Variants in SHB observed in about 807,000 individuals in gnomAD.
The protein encoded by SHB is SH2 domain containing adaptor protein B.
A neutral mutation model predicts 52.3 loss-of-function variants in SHB; 20 were observed. That is an observed-to-expected ratio of 0.38 (90% confidence interval 0.27 to 0.56). The LOEUF (loss-of-function observed/expected upper bound fraction) is 0.56, where lower values mean the gene tolerates loss of function less well. Among genes scored for constraint, SHB ranks in the 20% least tolerant of loss-of-function variants. SHB has a pLI of 0.71. For missense variants in SHB, 825 were observed against 723.3 expected (o/e 1.14, Z -1.61); for synonymous variants, 397 against 316.5 (o/e 1.25, Z -2.70).
intron 5 of SHB, among the ~76,000 whole-genome samples, chr9:37,938,556 G>C (rs17516635): frequency 6.6e-6 from 1 of 152,228 alleles, no homozygotes; most frequent in Non-Finnish European, 1.5e-5. Context: ...CCCGGGGCAC[G>C]AGAGGTTTCC....
chr9:37,984,002 GACCTGGGGCAAGTT>G (rs1564094405), intron 2 of SHB, among the ~76,000 whole-genome samples: 1 of 152,228 alleles, frequency 6.6e-6, no homozygotes. Flanking sequence ...TCCAACAGGT[GACCTGGGGCAAGTT>G]ACCTCAGTTT....
At chr9:37,991,515 A>G (rs1437241617) in intron 2 of SHB, among the ~76,000 whole-genome samples, 2 of 152,238 alleles carry the variant, frequency 1.3e-5, no homozygotes, top group African/African-American at 4.8e-5. Flanking sequence ...CAAGATGTAC[A>G]TTTTAATTAT....
At chr9:37,974,512 A>T (rs1418939732) in intron 3 of SHB, 110 bp downstream of exon 3, 1 of 898,938 alleles carries the variant, frequency 1.1e-6, no homozygotes, top group East Asian at 2.5e-5. Flanking sequence ...AAGACCACCC[A>T]ACTGGATTAT....
At chr9:37,991,932 A>G (rs538158314) in intron 2 of SHB, among the ~76,000 whole-genome samples, 2 of 152,310 alleles carry the variant, frequency 1.3e-5, no homozygotes, top group South Asian at 4.1e-4. Flanking sequence ...GTTCTTTCCC[A>G]CAGATTAACA....
intron 1 of SHB, among the ~76,000 whole-genome samples, chr9:38,061,359 C>T (rs1342947005): frequency 6.6e-6 from 1 of 151,692 alleles, no homozygotes; most frequent in Admixed American, 6.6e-5. Context: ...CCTACCACCA[C>T]CATCAACCAA....
At chr9:37,941,437 G>A (rs915487705) in intron 5 of SHB, among the ~76,000 whole-genome samples, 6 of 152,210 alleles carry the variant, frequency 3.9e-5, no homozygotes, top group Admixed American at 2.0e-4. Flanking sequence ...AGTATGTGGC[G>A]GAGCTGGGTT....
intron 5 of SHB, among the ~76,000 whole-genome samples, chr9:37,947,545 T>C (rs1362089465): frequency 6.6e-6 from 1 of 152,232 alleles, no homozygotes; most frequent in Non-Finnish European, 1.5e-5. Context: ...CTGTGTGCCT[T>C]GCCCTACCTG....
chr9:37,954,430 G>A (rs1832604791), intron 4 of SHB, among the ~76,000 whole-genome samples: 2 of 152,020 alleles, frequency 1.3e-5, no homozygotes, highest in Admixed American at 1.3e-4. Flanking sequence ...GGCCTCATGT[G>A]TGCCTACTCC....
chr9:38,050,718 G>A (rs1821727881), intron 1 of SHB, among the ~76,000 whole-genome samples: 1 of 152,192 alleles, frequency 6.6e-6, no homozygotes, highest in Non-Finnish European at 1.5e-5. Flanking sequence ...TATGGAACTA[G>A]AAGCTGCCGA....
At chr9:37,995,398 C>T (rs967562129) in intron 2 of SHB, among the ~76,000 whole-genome samples, 6 of 151,804 alleles carry the variant, frequency 4.0e-5, no homozygotes, top group Admixed American at 1.3e-4. Context: ...CTGCTGGCCT[C>T]TGGGCCTGAT....
chr9:37,979,658 A>C (rs1174657528), intron 2 of SHB, among the ~76,000 whole-genome samples: 1 of 151,996 alleles, frequency 6.6e-6, no homozygotes, highest in African/African-American at 2.4e-5. Flanking sequence ...AACAAAAAAA[A>C]CAGGCCCCCC....
At chr9:37,985,897 T>C (rs1217715985) in intron 2 of SHB, among the ~76,000 whole-genome samples, 2 of 152,372 alleles carry the variant, frequency 1.3e-5, no homozygotes, top group African/African-American at 4.8e-5. Context: ...TCCTGGGCAC[T>C]GGGAGTAAAT....
chr9:38,059,193 C>G (rs1030218977), intron 1 of SHB, among the ~76,000 whole-genome samples: 67 of 152,236 alleles, frequency 4.4e-4, no homozygotes, highest in African/African-American at 1.5e-3. Flanking sequence ...CTGGGTCCAG[C>G]CTGTAAGTCA....
At chr9:37,944,934 C>A (rs1464229757) in intron 5 of SHB, among the ~76,000 whole-genome samples, 5 of 152,194 alleles carry the variant, frequency 3.3e-5, no homozygotes, top group African/African-American at 1.2e-4. Flanking sequence ...CTGTGTACAA[C>A]AAGACACAGG....
rs1019691452 is a variant in SHB, at chr9:37,918,363, G to A, written c.*1458C>T. Among the ~76,000 whole-genome samples the A allele has an allele frequency of 4.1e-5, 6 of 147,816 alleles. No homozygotes were observed. Among genetic ancestry groups the A allele is most frequent in the Admixed American group, 6.7e-5 (1 of 14,836 alleles). On this transcript the variant is annotated 3_prime_UTR_variant, in exon 6 of 6. Coordinates refer to ENST00000377707, the MANE Select transcript of SHB (RefSeq NM_003028.3). ...CTATGGCAAGCAAGAGAGAGGTCGCGTGTGCGTGTGCGTGTGTAGGTGTTC... is the reference window on the plus strand; with the variant it reads ...CTATGGCAAGCAAGAGAGAGGTCGCATGTGCGTGTGCGTGTGTAGGTGTTC...
chr9:38,001,684 C>T (rs959687317), intron 2 of SHB, among the ~76,000 whole-genome samples: 17 of 152,238 alleles, frequency 1.1e-4, no homozygotes, highest in Admixed American at 9.8e-4. Flanking sequence ...CAAGCAGCCT[C>T]TTAGAGTGGG....
chr9:37,940,809 ACTGG>A (rs1344135490), intron 5 of SHB, among the ~76,000 whole-genome samples: 2 of 152,172 alleles, frequency 1.3e-5, no homozygotes, highest in Non-Finnish European at 2.9e-5. Flanking sequence ...TGCTACCTTG[ACTGG>A]CTGCCAACAT....
intron 1 of SHB, among the ~76,000 whole-genome samples, chr9:38,034,528 TC>T (rs1821458117): frequency 6.6e-6 from 1 of 152,248 alleles, no homozygotes; most frequent in Non-Finnish European, 1.5e-5. Context: ...TGATCATTCT[TC>T]CTGAAATTGA....
In SHB at chr9:37,956,070, G is replaced by A; in HGVS notation, c.1055-16C>T. ...TTAAACTGTGCTGTGGGGAGAGAGAGAAAGTGCAGGGTTAGCAGAGCTCAG... is the reference window on the plus strand; with the variant it reads ...TTAAACTGTGCTGTGGGGAGAGAGAAAAAGTGCAGGGTTAGCAGAGCTCAG... On this transcript the variant is annotated splice_polypyrimidine_tract_variant and intron_variant, in intron 3 of 5. Coordinates refer to ENST00000377707, the MANE Select transcript of SHB (RefSeq NM_003028.3). The A allele has an allele frequency of 1.9e-6, 3 of 1,552,548 alleles. No homozygotes were observed. Among genetic ancestry groups the A allele is most frequent in the Non-Finnish European group, 2.6e-6 (3 of 1,147,514 alleles).
Sources: gnomAD v4.1 joint callset for allele counts (sites outside exome capture counted in the v4.1 genomes callset) on GRCh38, gnomAD v4.1.1 for gene constraint, MANE v1.5 for transcripts, NCBI Gene and HGNC (gene_info 2026-07-23, HGNC 2026-07-21) for gene names.